SERTM1: variants seen among roughly 807,000 people sequenced by gnomAD.
The protein encoded by SERTM1 is serine-rich and transmembrane domain-containing protein 1.
In SERTM1, 1 loss-of-function variant was observed where a neutral mutation model predicts 5.5. The observed-to-expected ratio is 0.18, with a 90% CI of 0.06 to 0.86. The LOEUF is 0.86. SERTM1 is among the 40% of genes least tolerant of loss of function. SERTM1 has a pLI of 0.69. For synonymous variants in SERTM1, 52 were observed against 55.1 expected (o/e 0.94, Z 0.25); for missense variants, 91 against 122.4 (o/e 0.74, Z 1.21).
At chr13:36,682,293 A>G (rs1252805919) in intron 1 of SERTM1, among the ~76,000 whole-genome samples, 2 of 152,192 alleles carry the variant, frequency 1.3e-5, no homozygotes, top group African/African-American at 4.8e-5. Context: ...TAGTCTGTGG[A>G]TATAAGATAG....
chr13:36,689,379 C>A (rs1566230628), intron 1 of SERTM1, among the ~76,000 whole-genome samples: 1 of 151,778 alleles, frequency 6.6e-6, no homozygotes, highest in Admixed American at 6.6e-5. Context: ...GTGGCAGGTG[C>A]CTGTAATCCC....
chr13:36,693,706 G>A (rs1305608089), intron 1 of SERTM1, among the ~76,000 whole-genome samples: 1 of 152,190 alleles, frequency 6.6e-6, no homozygotes, highest in African/African-American at 2.4e-5. Context: ...GAAAAGGCAA[G>A]TTCTCCAGGT....
intron 1 of SERTM1, among the ~76,000 whole-genome samples, chr13:36,676,084 A>G (rs990334971): frequency 6.6e-6 from 1 of 152,210 alleles, no homozygotes; most frequent in Admixed American, 6.5e-5. Flanking sequence ...ATCAGGGGTT[A>G]AGATATAAAT....
At chr13:36,674,444 C>T (rs1385697959) in intron 1 of SERTM1, among the ~76,000 whole-genome samples, 1 of 152,144 alleles carries the variant, frequency 6.6e-6, no homozygotes, top group Non-Finnish European at 1.5e-5. Flanking sequence ...CCACGGGCTG[C>T]AGGAGGAGCC....
intron 1 of SERTM1, among the ~76,000 whole-genome samples, chr13:36,686,926 A>T (rs1027221469): frequency 6.6e-6 from 1 of 152,224 alleles, no homozygotes; most frequent in African/African-American, 2.4e-5. Context: ...AACTGGATGT[A>T]TCCAAAACTT....
chr13:36,680,706 T>C (rs2056699347), intron 1 of SERTM1, among the ~76,000 whole-genome samples: 1 of 152,170 alleles, frequency 6.6e-6, no homozygotes, highest in Non-Finnish European at 1.5e-5. Flanking sequence ...GCTTGTGTGG[T>C]TTTTAGTTTT....
rs774874155 is a variant in SERTM1 at position 36,695,638 on chromosome 13, T to C, written c.*236T>C. ...GCAGAATTTCACACAAATGGCTTGA[T>C]GAATCTAGACTGGGCTTCTTCAGGT... On this transcript the variant is annotated 3_prime_UTR_variant, in exon 2 of 2. Transcript: ENST00000315190. 1 of 574,200 alleles carries C rather than the reference T, an allele frequency of 1.7e-6. No individual in the cohort carries two copies. Among genetic ancestry groups the C allele is most frequent in the Non-Finnish European group, 3.2e-6 (1 of 316,972 alleles). The allele number at this position is 574,200 out of a possible 1,614,324, so 35.6% of individuals were successfully genotyped here.
At chr13:36,675,510 C>A (rs540991214) in intron 1 of SERTM1, among the ~76,000 whole-genome samples, 26 of 152,124 alleles carry the variant, frequency 1.7e-4, no homozygotes, top group African/African-American at 6.3e-4. Flanking sequence ...GCCCCATGCA[C>A]CCTCTGAAAA....
intron 1 of SERTM1, among the ~76,000 whole-genome samples, chr13:36,692,472 G>A (rs1365227234): frequency 2.6e-5 from 4 of 152,222 alleles, no homozygotes; most frequent in Non-Finnish European, 4.4e-5. Context: ...GGGTAGCAGA[G>A]AAGGTAGCTT....
At chr13:36,674,496 C>T (rs1171637937) in intron 1 of SERTM1, among the ~76,000 whole-genome samples, 65 of 152,152 alleles carry the variant, frequency 4.3e-4, no homozygotes, top group Non-Finnish European at 1.5e-5. Context: ...CCGTGTTGAC[C>T]TGCCTCGGTC....
chr13:36,693,149 A>G (rs943552749), intron 1 of SERTM1, among the ~76,000 whole-genome samples: 4 of 152,162 alleles, frequency 2.6e-5, no homozygotes, highest in Admixed American at 2.6e-4. Flanking sequence ...TGTCAAATCA[A>G]TTAGCTTCTT....
intron 1 of SERTM1, among the ~76,000 whole-genome samples, chr13:36,685,537 C>T (rs1340538054): frequency 6.6e-6 from 1 of 152,236 alleles, no homozygotes; most frequent in Non-Finnish European, 1.5e-5. Context: ...GGGAAAAGCA[C>T]TATTCATATA....
intron 1 of SERTM1, among the ~76,000 whole-genome samples, chr13:36,674,544 G>A (rs2056658085): frequency 6.6e-6 from 1 of 152,146 alleles, no homozygotes; most frequent in Non-Finnish European, 1.5e-5. Context: ...CCCTCGCTCT[G>A]CAAGGTGGAT....
At chr13:36,676,005 C>T (rs964445398) in intron 1 of SERTM1, among the ~76,000 whole-genome samples, 1 of 152,056 alleles carries the variant, frequency 6.6e-6, no homozygotes, top group Non-Finnish European at 1.5e-5. Context: ...AGATTGAGTC[C>T]ATTCTCCCTT....
intron 1 of SERTM1, among the ~76,000 whole-genome samples, chr13:36,689,999 T>A (rs2056767924): frequency 6.6e-6 from 1 of 152,186 alleles, no homozygotes; most frequent in Non-Finnish European, 1.5e-5. Flanking sequence ...TACCAAGCTA[T>A]TAATTTGTCA....
At chr13:36,680,591 T>C (rs1475621829) in intron 1 of SERTM1, among the ~76,000 whole-genome samples, 1 of 152,190 alleles carries the variant, frequency 6.6e-6, no homozygotes, top group Non-Finnish European at 1.5e-5. Context: ...ATATAAACAA[T>C]GACCTTCAAA....
chr13:36,677,338 T>C (rs1177183846), intron 1 of SERTM1, among the ~76,000 whole-genome samples: 4 of 152,152 alleles, frequency 2.6e-5, no homozygotes, highest in Non-Finnish European at 5.9e-5. Context: ...ATGACAAACC[T>C]CCACATTTCC....
rs1566233679 is a variant in SERTM1 at position 36,695,823 on chromosome 13, A to C, written c.*421A>C. 1 of 174,196 alleles carries C rather than the reference A, an allele frequency of 5.7e-6. No homozygotes were observed. Among genetic ancestry groups the C allele is most frequent in the African/African-American group, 2.4e-5 (1 of 41,718 alleles). 10.8% of individuals were successfully genotyped at this position (174,196 alleles called of 1,614,324 possible). A position where few individuals can be genotyped will look rare whatever the true frequency, so the allele number is the denominator to read the frequency against. ...ATCAAGTCTGACCTATGTAGAAGTT[A>C]TTTTCCATATTTAAAAGATAAAGTG... On this transcript the variant is annotated 3_prime_UTR_variant, in exon 2 of 2. Transcript: ENST00000315190.
At chr13:36,685,962 G>C (rs1473602151) in intron 1 of SERTM1, among the ~76,000 whole-genome samples, 3 of 152,166 alleles carry the variant, frequency 2.0e-5, no homozygotes, top group Admixed American at 6.5e-5. Context: ...AAAACTGCTA[G>C]TCCCAAGCTT....
Sources: gnomAD v4.1 joint callset for allele counts (sites outside exome capture counted in the v4.1 genomes callset) on GRCh38, gnomAD v4.1.1 for gene constraint, MANE v1.5 for transcripts, NCBI Gene and HGNC (gene_info 2026-07-23, HGNC 2026-07-21) for gene names.